Variants in ATP2C1 observed in about 807,000 individuals in gnomAD.
The protein encoded by ATP2C1 is ATPase secretory pathway Ca2+ transporting 1, also known as calcium-transporting ATPase type 2C member 1.
A neutral mutation model predicts 120.5 loss-of-function variants in ATP2C1; 31 were observed. The ratio of observed to expected loss-of-function variants is 0.26; its 90% CI spans 0.19 to 0.35. ATP2C1 has a LOEUF of 0.35. ATP2C1 is among the 10% of genes least tolerant of loss of function. The probability of loss-of-function intolerance (pLI) is 1.00; values close to 1 mark genes in which losing one functional copy is unlikely to be tolerated. For synonymous variants in ATP2C1, 351 were observed against 358.7 expected (o/e 0.98, Z 0.24); for missense variants, 731 against 1,107.5 (o/e 0.66, Z 4.83).
At chr3:130,940,742 G>A in intron 7 of ATP2C1, 51 bp downstream of exon 7, 1 of 1,311,636 alleles carries the variant, frequency 7.6e-7, no homozygotes, top group South Asian at 1.2e-5. Context: ...AATAGAAGTT[G>A]AATGTGACTA....
At chr3:130,993,114 G>T (rs1003152660) in intron 21 of ATP2C1, 113 bp downstream of exon 21, 2 of 873,474 alleles carry the variant, frequency 2.3e-6, no homozygotes, top group East Asian at 2.7e-5. Flanking sequence ...ATACTGTGAA[G>T]CAAAACAGTT....
At chr3:130,853,288 GA>G (rs2067734215) in intron 1 of ATP2C1, among the ~76,000 whole-genome samples, 1 of 152,206 alleles carries the variant, frequency 6.6e-6, no homozygotes, top group South Asian at 2.1e-4. Context: ...GCTTTTAAGA[GA>G]AAGGTTAGAG....
chr3:130,988,584 G>A (rs977679759), intron 20 of ATP2C1, among the ~76,000 whole-genome samples: 2 of 152,084 alleles, frequency 1.3e-5, no homozygotes, highest in Admixed American at 6.5e-5. Flanking sequence ...TCCCCAATAG[G>A]CAGGGATGAC....
intron 1 of ATP2C1, among the ~76,000 whole-genome samples, chr3:130,883,627 T>A (rs2068858723): frequency 6.6e-6 from 1 of 152,116 alleles, no homozygotes; most frequent in Non-Finnish European, 1.5e-5. Context: ...AACTTTTGTC[T>A]CTTTAGTAGA....
intron 1 of ATP2C1, among the ~76,000 whole-genome samples, chr3:130,878,546 G>A (rs554251006): frequency 6.6e-6 from 1 of 152,122 alleles, no homozygotes; most frequent in African/African-American, 2.4e-5. Flanking sequence ...GCTTCCAAAT[G>A]TGGGACTTTC....
At chr3:130,931,940 A>G in intron 3 of ATP2C1, 82 bp from the exon 4 acceptor site, 1 of 890,652 alleles carries the variant, frequency 1.1e-6, no homozygotes, top group Non-Finnish European at 1.9e-6. Context: ...TAAATGTGAT[A>G]ATACATTATA....
chr3:131,011,556 C>T (rs1411303962), intron 26 of ATP2C1, among the ~76,000 whole-genome samples: 1 of 152,204 alleles, frequency 6.6e-6, no homozygotes, highest in African/African-American at 2.4e-5. Context: ...TCTGCTTCTA[C>T]ACAGGTGTTC....
intron 2 of ATP2C1, among the ~76,000 whole-genome samples, chr3:130,919,281 A>G (rs1444768487): frequency 2.7e-5 from 4 of 150,896 alleles, no homozygotes; most frequent in South Asian, 2.1e-4. Context: ...CTAGAGTGCA[A>G]TGGCGCGATC....
chr3:130,953,223 A>G (rs551908047), intron 8 of ATP2C1, among the ~76,000 whole-genome samples: 1 of 152,182 alleles, frequency 6.6e-6, no homozygotes, highest in South Asian at 2.1e-4. Flanking sequence ...AGCCTTCAAA[A>G]CTGAGCCCTG....
chr3:130,927,759 A>G (rs2760277), intron 2 of ATP2C1: 26,843 of 152,388 alleles, frequency 0.18, 2,528 homozygotes, highest in Middle Eastern at 0.25. Flanking sequence ...GTATATTCAA[A>G]TTGTAAAAAT....
chr3:130,953,243 T>A (rs940832664), intron 8 of ATP2C1, among the ~76,000 whole-genome samples: 3 of 152,106 alleles, frequency 2.0e-5, no homozygotes, highest in Non-Finnish European at 4.4e-5. Flanking sequence ...GTTGCAGAGT[T>A]GGAAGATATT....
chr3:131,016,510 A>G (rs983328912), exon 27 of ATP2C1: 1 of 728,640 alleles, frequency 1.4e-6, no homozygotes, highest in Non-Finnish European at 2.2e-6. Flanking sequence ...AAATATTGAT[A>G]CTGAACTGTC....
Position 130,868,759 on chromosome 3 carries a change from G to A in ATP2C1, c.108+17831G>A, listed in dbSNP as rs1454546289. 3.6e-5 allele frequency: 3 copies of A among 83,358 alleles called. No homozygotes were observed. In the East Asian group the frequency reaches 1.1e-3, roughly 30 times the overall value. The allele number at this position is 83,358 out of a possible 1,614,324, so 5.2% of individuals were successfully genotyped here. A position where few individuals can be genotyped will look rare whatever the true frequency, so the allele number is the denominator to read the frequency against. On this transcript the variant is annotated intron_variant, in intron 1 of 26. Transcript: ENST00000504381. ...CCCGGCCGCCCCTACTGGGAAGTGA[G>A]GAGCCCCTCTGCCTGGCCAGCCGCC...
intron 8 of ATP2C1, among the ~76,000 whole-genome samples, chr3:130,947,556 C>T (rs923660938): frequency 1.3e-5 from 2 of 152,132 alleles, no homozygotes; most frequent in Admixed American, 6.5e-5. Flanking sequence ...TGGCCTCTTT[C>T]ATTTAATGTA....
intron 9 of ATP2C1, among the ~76,000 whole-genome samples, chr3:130,954,681 T>C (rs141787272): frequency 0.011 from 1,628 of 152,216 alleles, 12 homozygotes; most frequent in South Asian, 0.034. Context: ...GAGATGGCAT[T>C]TCACCATGTG....
At chr3:130,852,748 C>A (rs1032765039) in intron 1 of ATP2C1, among the ~76,000 whole-genome samples, 4 of 152,194 alleles carry the variant, frequency 2.6e-5, no homozygotes, top group Non-Finnish European at 5.9e-5. Context: ...ATAATGTCTA[C>A]AATCTTATGA....
rs968097404 is a variant in ATP2C1 at position 131,015,838 on chromosome 3, G to A, written c.2630-314G>A. On this transcript the variant is annotated intron_variant, in intron 26 of 26. Transcript: ENST00000328560. ...ACATTTAAAGACTGAGAGGAAAGGA[G>A]AGAGTTGTATCCTACCAATGATTGC... 6 of 456,498 alleles carry A rather than the reference G, an allele frequency of 1.3e-5. No homozygotes were observed. In the Admixed American group the frequency reaches 1.6e-4, roughly 13 times the overall value. The allele number at this position is 456,498 out of a possible 1,614,324, so 28.3% of individuals were successfully genotyped here. A position where few individuals can be genotyped will look rare whatever the true frequency, so the allele number is the denominator to read the frequency against.
At chr3:130,958,192 T>G (rs2060663104) in intron 11 of ATP2C1, among the ~76,000 whole-genome samples, 1 of 152,204 alleles carries the variant, frequency 6.6e-6, no homozygotes, top group African/African-American at 2.4e-5. Context: ...TAATTTTTCT[T>G]GCCAAGGTCA....
At chr3:130,996,180 G>A in intron 23 of ATP2C1, 69 bp downstream of exon 23, 1 of 1,130,970 alleles carries the variant, frequency 8.8e-7, no homozygotes, top group Admixed American at 1.7e-5. Context: ...AACTTAAGCA[G>A]AATGCCTAGA....
Sources: allele counts gnomAD v4.1 joint callset (sites outside exome capture counted in the v4.1 genomes callset), GRCh38; gene constraint gnomAD v4.1.1; transcripts MANE v1.5; gene names NCBI Gene and HGNC (gene_info 2026-07-23, HGNC 2026-07-21).